Variants in PDZD2 observed in about 807,000 individuals in gnomAD.
PDZD2 encodes the protein PDZ domain-containing protein 2.
A neutral mutation model predicts 220.7 loss-of-function variants in PDZD2; 90 were observed. The observed-to-expected ratio is 0.41, with a 90% CI of 0.34 to 0.49. The LOEUF (loss-of-function observed/expected upper bound fraction) is 0.49, where lower values mean the gene tolerates loss of function less well. Among genes scored for constraint, PDZD2 ranks in the 20% least tolerant of loss-of-function variants. The pLI is 0.28. For synonymous variants in PDZD2, 1,375 were observed against 1,450.5 expected, an observed-to-expected ratio of 0.95 and a Z score of 1.18; for missense variants, 3,174 against 3,608.5, an observed-to-expected ratio of 0.88 and a Z score of 3.08.
chr5:31,673,318 C>A (rs549563640), intron 1 of PDZD2, among the ~76,000 whole-genome samples: 1 of 152,162 alleles, frequency 6.6e-6, no homozygotes, highest in Non-Finnish European at 1.5e-5. Context: ...GAGTCTTCCC[C>A]ATTTCATGTT....
chr5:31,829,563 C>T (rs138457967), intron 2 of PDZD2, among the ~76,000 whole-genome samples: 1,855 of 152,004 alleles, frequency 0.012, 27 homozygotes, highest in African/African-American at 0.043. Context: ...ATGATCCACC[C>T]GCCTCGGCCT....
chr5:31,818,094 C>G (rs904322362), intron 2 of PDZD2, among the ~76,000 whole-genome samples: 2 of 151,540 alleles, frequency 1.3e-5, no homozygotes, highest in African/African-American at 4.9e-5. Flanking sequence ...CTCAGCCTCA[C>G]GAGTAGCTGG....
intron 2 of PDZD2, among the ~76,000 whole-genome samples, chr5:31,877,053 T>C (rs1305755889): frequency 6.6e-6 from 1 of 152,242 alleles, no homozygotes; most frequent in African/African-American, 2.4e-5. Flanking sequence ...AATGAGTTAC[T>C]GCATGTGTCC....
intron 1 of PDZD2, among the ~76,000 whole-genome samples, chr5:31,778,915 C>CACTA (rs1752883436): frequency 6.6e-6 from 1 of 152,192 alleles, no homozygotes; most frequent in South Asian, 2.1e-4. Context: ...GAATATCCTT[C>CACTA]AAAGACTTTG....
intron 2 of PDZD2, among the ~76,000 whole-genome samples, chr5:31,814,520 T>C (rs896958090): frequency 1.3e-5 from 2 of 152,130 alleles, no homozygotes; most frequent in African/African-American, 4.8e-5. Context: ...GAAAGAGTTA[T>C]TATCTAAAGA....
intron 2 of PDZD2, among the ~76,000 whole-genome samples, chr5:31,970,650 C>T (rs1203674175): frequency 6.6e-6 from 1 of 151,514 alleles, no homozygotes; most frequent in African/African-American, 2.4e-5. Flanking sequence ...AGTGAGACTC[C>T]ACCTCAAAAA....
intron 14 of PDZD2, among the ~76,000 whole-genome samples, chr5:32,069,170 G>A (rs575167798): frequency 2.4e-4 from 37 of 151,614 alleles, no homozygotes; most frequent in African/African-American, 7.7e-4. Context: ...GGAGGCTGAG[G>A]CAGGAGAATC....
intron 1 of PDZD2, among the ~76,000 whole-genome samples, chr5:31,707,307 A>T (rs560822777): frequency 0.013 from 1,800 of 141,914 alleles, 19 homozygotes; most frequent in Non-Finnish European, 0.013. Context: ...TTTAATAAAT[A>T]AATTAATTAA....
intron 2 of PDZD2, among the ~76,000 whole-genome samples, chr5:31,874,360 T>C (rs1339807391): frequency 6.6e-6 from 1 of 152,192 alleles, no homozygotes; most frequent in Admixed American, 6.5e-5. Context: ...GCCCTGTTTA[T>C]GTTACGTGTT....
intron 1 of PDZD2, among the ~76,000 whole-genome samples, chr5:31,672,872 A>G (rs543512831): frequency 6.6e-6 from 1 of 152,332 alleles, no homozygotes; most frequent in African/African-American, 2.4e-5. Context: ...GGCTCCCTTT[A>G]CATAACACTG....
intron 1 of PDZD2, among the ~76,000 whole-genome samples, chr5:31,709,654 C>T (rs993767680): frequency 6.6e-6 from 1 of 152,168 alleles, no homozygotes; most frequent in African/African-American, 2.4e-5. Flanking sequence ...GTATCTTTTC[C>T]AAGGCCATTA....
intron 1 of PDZD2, among the ~76,000 whole-genome samples, chr5:31,741,192 TACAC>T (rs3032908): frequency 0.025 from 3,737 of 150,364 alleles, 90 homozygotes; most frequent in African/African-American, 0.067. Flanking sequence ...CAATAGTGTG[TACAC>T]ACACACACAC....
chr5:31,680,594 G>A (rs767466384), intron 1 of PDZD2, among the ~76,000 whole-genome samples: 12 of 152,134 alleles, frequency 7.9e-5, no homozygotes, highest in Admixed American at 3.3e-4. Flanking sequence ...GGCTGGAATC[G>A]ACCTGCATGT....
chr5:31,806,601 T>C (rs1173069456), intron 2 of PDZD2, among the ~76,000 whole-genome samples: 1 of 152,224 alleles, frequency 6.6e-6, no homozygotes, highest in Non-Finnish European at 1.5e-5. Context: ...TGATAACTCA[T>C]GGAGGAAAGT....
chr5:31,732,120 G>C (rs1749567847), intron 1 of PDZD2, among the ~76,000 whole-genome samples: 1 of 152,176 alleles, frequency 6.6e-6, no homozygotes. Context: ...AGCAGAGGAG[G>C]GGCGCCTTAC....
Position 31,788,448 on chromosome 5 carries a change from G to A in PDZD2, c.-360-10441G>A, listed in dbSNP as rs1203881800. Among the ~76,000 whole-genome samples the A allele has an allele frequency of 3.9e-5, 6 of 152,116 alleles. No individual in the cohort carries two copies. The South Asian group carries it at 1.0e-3, about 26-fold the overall frequency. On this transcript the variant is annotated intron_variant, in intron 1 of 24. Coordinates refer to ENST00000438447, the MANE Select transcript of PDZD2 (RefSeq NM_178140.4). ...TGGGAGGCCAAGGCGGGCGGATCACGAGTTCAGGAGATCGAGACCATCCTG... is the reference window on the plus strand; with the variant it reads ...TGGGAGGCCAAGGCGGGCGGATCACAAGTTCAGGAGATCGAGACCATCCTG...
At chr5:31,902,383 A>G (rs901162694) in intron 2 of PDZD2, among the ~76,000 whole-genome samples, 2 of 151,602 alleles carry the variant, frequency 1.3e-5, no homozygotes, top group African/African-American at 4.8e-5. Context: ...ATTTTTGTAT[A>G]TCTTCTTTGG....
intron 2 of PDZD2, among the ~76,000 whole-genome samples, chr5:31,864,551 C>G (rs1298421516): frequency 2.0e-5 from 3 of 151,716 alleles, no homozygotes; most frequent in Non-Finnish European, 1.5e-5. Flanking sequence ...CGGAGTTTCG[C>G]TCTTGTCGCC....
rs1442938185 is a variant in PDZD2, at chr5:32,108,691, T to G, written c.*556T>G. On this transcript the variant is annotated 3_prime_UTR_variant, in exon 25 of 25. Coordinates refer to ENST00000438447, the MANE Select transcript of PDZD2 (RefSeq NM_178140.4). ...AAGACTTACTTAAAAAAATGAATTA[T>G]GACCTGTTAGGCTGAGCTCAGGAAT... is the stretch of plus-strand genomic sequence containing the variant. 5.2e-5 allele frequency: 8 copies of G among 152,818 alleles called. No individual in the cohort carries two copies. In the South Asian group the frequency reaches 1.2e-3, roughly 24 times the overall value. The allele number at this position is 152,818 out of a possible 1,614,324, so 9.5% of individuals were successfully genotyped here.
Sources: allele counts gnomAD v4.1 joint callset (sites outside exome capture counted in the v4.1 genomes callset), GRCh38; gene constraint gnomAD v4.1.1; transcripts MANE v1.5; gene names NCBI Gene and HGNC (gene_info 2026-07-23, HGNC 2026-07-21).